RALGPS1: variants seen among roughly 807,000 people sequenced by gnomAD.
The protein encoded by RALGPS1 is ras-specific guanine nucleotide-releasing factor RalGPS1.
Under a neutral mutation model 78.8 loss-of-function variants are expected in RALGPS1, and 19 were observed. The ratio of observed to expected loss-of-function variants is 0.24; its 90% CI spans 0.17 to 0.35. The LOEUF is 0.35. Among genes scored for constraint, RALGPS1 ranks in the 10% least tolerant of loss-of-function variants. The pLI is 1.00. For synonymous variants in RALGPS1, 228 were observed against 256.3 expected (o/e 0.89, Z 1.06); for missense variants, 454 against 688.3 (o/e 0.66, Z 3.81).
At chr9:127,131,958 G>A (rs1414628185) in intron 8 of RALGPS1, among the ~76,000 whole-genome samples, 2 of 152,244 alleles carry the variant, frequency 1.3e-5, no homozygotes, top group South Asian at 4.1e-4. Context: ...TCTGGGGCCC[G>A]GGAATTTGCA....
intron 18 of RALGPS1, among the ~76,000 whole-genome samples, chr9:127,216,564 G>A (rs1358464728): frequency 6.6e-6 from 1 of 152,228 alleles, no homozygotes; most frequent in Non-Finnish European, 1.5e-5. Flanking sequence ...ATTTGGAAAG[G>A]ATGATCTCAT....
chr9:126,969,758 G>A (rs2039916268), intron 3 of RALGPS1, among the ~76,000 whole-genome samples: 2 of 152,174 alleles, frequency 1.3e-5, no homozygotes, highest in Admixed American at 6.5e-5. Flanking sequence ...TTGGTGAGAC[G>A]CAGGGCCTGG....
chr9:127,109,560 G>A (rs148140881), intron 8 of RALGPS1, among the ~76,000 whole-genome samples: 141 of 152,314 alleles, frequency 9.3e-4, no homozygotes, highest in Non-Finnish European at 1.8e-3. Flanking sequence ...GCACAGTCCT[G>A]ACCACTGCAA....
intron 8 of RALGPS1, among the ~76,000 whole-genome samples, chr9:127,157,318 C>T (rs1588222578): frequency 6.6e-6 from 1 of 152,102 alleles, no homozygotes; most frequent in East Asian, 1.9e-4. Context: ...TTCTTTCAAT[C>T]CTTCAGATAT....
chr9:127,023,133 C>A (rs544963095), intron 4 of RALGPS1, among the ~76,000 whole-genome samples: 2 of 152,282 alleles, frequency 1.3e-5, no homozygotes, highest in East Asian at 1.9e-4. Flanking sequence ...ACCACCACCA[C>A]CATCATCGTC....
Position 127,211,995 on chromosome 9 carries a change from C to T in RALGPS1, c.1248-136C>T. ...TATCACCTGGCCCTCCCCTCCGGGC[C>T]TTGCTCTGCGCCGTTAAGTCTGGAC... On this transcript the variant is annotated intron_variant, in intron 14 of 18. Transcript: ENST00000259351. The surrounding 1 kb of genome is among the most constrained non-coding windows in gnomAD (Gnocchi z 5.0). The T allele has an allele frequency of 1.5e-6, 1 of 657,926 alleles. No homozygotes were observed. The highest frequency in any genetic ancestry group is 2.1e-5 in the South Asian group (1 of 47,354). 40.8% of individuals were successfully genotyped at this position (657,926 alleles called of 1,614,324 possible). A position where few individuals can be genotyped will look rare whatever the true frequency, so the allele number is the denominator to read the frequency against.
At chr9:127,191,258 A>G (rs1406874071) in intron 11 of RALGPS1, among the ~76,000 whole-genome samples, 2 of 152,066 alleles carry the variant, frequency 1.3e-5, no homozygotes, top group African/African-American at 4.8e-5. Flanking sequence ...AAATTTATTC[A>G]TCTCTTCCTT....
At chr9:127,027,670 G>A (rs2046074512) in intron 4 of RALGPS1, among the ~76,000 whole-genome samples, 1 of 152,178 alleles carries the variant, frequency 6.6e-6, no homozygotes, top group Non-Finnish European at 1.5e-5. Flanking sequence ...TCCCCAATTA[G>A]CATATCCATA....
intron 8 of RALGPS1, among the ~76,000 whole-genome samples, chr9:127,092,591 T>C (rs2052617541): frequency 6.6e-6 from 1 of 152,070 alleles, no homozygotes; most frequent in Admixed American, 6.6e-5. Flanking sequence ...GAACTTTACA[T>C]AGGTTGTTTT....
chr9:127,189,171 G>T (rs775329758), intron 11 of RALGPS1, among the ~76,000 whole-genome samples: 2 of 152,134 alleles, frequency 1.3e-5, no homozygotes, highest in African/African-American at 2.4e-5. Context: ...TGTCACCACA[G>T]ATCAGATTCC....
chr9:127,189,018 A>AC (rs2060869211), intron 11 of RALGPS1, among the ~76,000 whole-genome samples: 2 of 149,156 alleles, frequency 1.3e-5, no homozygotes, highest in Non-Finnish European at 1.5e-5. Context: ...AAAAAAAAAA[A>AC]AAAAAAAAAC....
intron 6 of RALGPS1, among the ~76,000 whole-genome samples, chr9:127,052,043 A>G (rs1054816612): frequency 6.6e-6 from 1 of 152,240 alleles, no homozygotes; most frequent in African/African-American, 2.4e-5. Context: ...CTCATGTAGC[A>G]GAAGTGCCGT....
At chr9:127,196,111 G>T (rs2061336486) in intron 12 of RALGPS1, among the ~76,000 whole-genome samples, 1 of 152,240 alleles carries the variant, frequency 6.6e-6, no homozygotes, top group Non-Finnish European at 1.5e-5. Flanking sequence ...CAGAGCAAGG[G>T]TCTGGACCCG....
At chr9:127,064,674 G>A (rs2049519447) in intron 7 of RALGPS1, among the ~76,000 whole-genome samples, 1 of 152,182 alleles carries the variant, frequency 6.6e-6, no homozygotes, top group African/African-American at 2.4e-5. Context: ...TATGGTAGAT[G>A]TTGGTTTAGT....
chr9:126,989,061 C>T (rs1588868813), intron 4 of RALGPS1, among the ~76,000 whole-genome samples: 1 of 152,088 alleles, frequency 6.6e-6, no homozygotes, highest in Non-Finnish European at 1.5e-5. Context: ...TAGCAAGACC[C>T]CACCTTATCA....
At chr9:127,005,510 C>G (rs566569859) in intron 4 of RALGPS1, among the ~76,000 whole-genome samples, 2 of 152,188 alleles carry the variant, frequency 1.3e-5, no homozygotes, top group Non-Finnish European at 2.9e-5. Context: ...GTCTTGAAAG[C>G]CTGCTTTGAC....
At chr9:127,068,863 C>A (rs2049938498) in intron 7 of RALGPS1, among the ~76,000 whole-genome samples, 1 of 152,100 alleles carries the variant, frequency 6.6e-6, no homozygotes. Context: ...GCAGAAATTT[C>A]TAGAAAAAGG....
At chr9:126,952,654 A>AGGGTGTGTGTGTGTGTGTGT (rs1392225698) in intron 1 of RALGPS1, among the ~76,000 whole-genome samples, 1 of 138,004 alleles carries the variant, frequency 7.2e-6, no homozygotes, top group Non-Finnish European at 1.6e-5. Flanking sequence ...AGAGAGAGAG[A>AGGGTGTGTGTGTGTGTGTGT]GAGTGTGTGT....
At chr9:127,207,634 T>C (rs1237865007) in intron 14 of RALGPS1, among the ~76,000 whole-genome samples, 4 of 152,252 alleles carry the variant, frequency 2.6e-5, no homozygotes, top group East Asian at 1.9e-4. Flanking sequence ...CCAGACACTT[T>C]CGGTTGTCTG....
Sources: allele counts gnomAD v4.1 joint callset (sites outside exome capture counted in the v4.1 genomes callset), GRCh38; gene constraint gnomAD v4.1.1; non-coding constraint Gnocchi (gnomAD v3.1); transcripts MANE v1.5; gene names NCBI Gene and HGNC (gene_info 2026-07-23, HGNC 2026-07-21).